The following PCDH15 variants were observed in gnomAD, a reference collection of about 807,000 sequenced individuals.
The protein encoded by PCDH15 is protocadherin related 15.
In PCDH15, 129 loss-of-function variants were observed where a neutral mutation model predicts 178.5. The ratio of observed to expected loss-of-function variants is 0.72; its 90% confidence interval spans 0.63 to 0.84. The LOEUF is 0.84. PCDH15 is among the 40% of genes least tolerant of loss of function. The probability of loss-of-function intolerance (pLI) is 0.00; values close to 1 mark genes in which losing one functional copy is unlikely to be tolerated. For missense variants in PCDH15, 2,230 were observed against 2,099.9 expected (o/e 1.06, Z -1.21); for synonymous variants, 800 against 732.0 (o/e 1.09, Z -1.50).
chr10:54,830,568 A>T (rs1451337010), intron 3 of PCDH15, among the ~76,000 whole-genome samples: 1 of 151,694 alleles, frequency 6.6e-6, no homozygotes, highest in East Asian at 1.9e-4. Flanking sequence ...GGAACATCAC[A>T]ATCTGGGGAC....
chr10:53,884,441 G>T, intron 26 of PCDH15, among the ~76,000 whole-genome samples: 1 of 152,152 alleles, frequency 6.6e-6, no homozygotes, highest in East Asian at 1.9e-4. Context: ...AAATCACACA[G>T]TTGGTGAGCA....
chr10:55,248,814 C>T (rs1356402472), intron 1 of PCDH15, among the ~76,000 whole-genome samples: 5 of 152,148 alleles, frequency 3.3e-5, no homozygotes, highest in Non-Finnish European at 7.3e-5. Context: ...ACCTCAGCCT[C>T]CCAAAGAGCT....
At chr10:55,574,167 A>C (rs540541504) in intron 2 of PCDH15, among the ~76,000 whole-genome samples, 1 of 152,156 alleles carries the variant, frequency 6.6e-6, no homozygotes, top group African/African-American at 2.4e-5. Flanking sequence ...ATGATTCCTT[A>C]GTCATGAGTT....
At chr10:54,509,737 T>C (rs1373313714) in intron 3 of PCDH15, among the ~76,000 whole-genome samples, 2 of 152,150 alleles carry the variant, frequency 1.3e-5, no homozygotes, top group African/African-American at 2.4e-5. Context: ...TCTTTCTTCC[T>C]ACAGTTTGAT....
In PCDH15 at chr10:55,464,059, A is replaced by G. The variant is rs925468382; in HGVS notation, c.-156+163566T>C. On this transcript the variant is annotated intron_variant, in intron 2 of 5. Coordinates refer to the PCDH15 transcript ENST00000613346. ...AAAGAAAGAAAGAAAGAAAGAAAGA[A>G]AGAAAAGGAAAGAAAGGGAAAGAAG... Among the ~76,000 whole-genome samples, 7 of 124,574 alleles carry G rather than the reference A, an allele frequency of 5.6e-5. 1 individual carries two copies. Among genetic ancestry groups the G allele is most frequent in the African/African-American group, 1.7e-4 (6 of 36,164 alleles). 81.7% of individuals were successfully genotyped at this position (124,574 alleles called of 152,430 possible).
chr10:53,869,406 T>C (rs1449010012), intron 26 of PCDH15, among the ~76,000 whole-genome samples: 1 of 152,162 alleles, frequency 6.6e-6, no homozygotes, highest in Non-Finnish European at 1.5e-5. Context: ...AGTCAAGGTA[T>C]CCAAGACATT....
intron 25 of PCDH15, chr10:53,905,183 G>T (rs771624093): frequency 3.9e-6 from 2 of 518,580 alleles, no homozygotes; most frequent in Non-Finnish European, 7.7e-6. Flanking sequence ...TAAGTCTGTT[G>T]TTGTCTCACC....
intron 21 of PCDH15, among the ~76,000 whole-genome samples, chr10:53,975,803 G>A (rs1328432234): frequency 6.6e-6 from 1 of 152,014 alleles, no homozygotes; most frequent in African/African-American, 2.4e-5. Flanking sequence ...TTTTGTTTTT[G>A]TTGTAATTGC....
intron 17 of PCDH15, among the ~76,000 whole-genome samples, chr10:54,071,117 T>C (rs2094234063): frequency 6.6e-6 from 1 of 152,200 alleles, no homozygotes; most frequent in Non-Finnish European, 1.5e-5. Context: ...AGTCACTTTA[T>C]CTCATACATG....
At position 54,274,266 on chromosome 10, in the gene PCDH15, C is replaced by T. The variant is rs536047947; in HGVS notation, c.877-37335G>A. ...CGAGTTTACGTATGTAATGAACCTG[C>T]ACTTGTACCCCTAAACTTAAAAGTT... On this transcript the variant is annotated intron_variant, in intron 8 of 37. Coordinates refer to ENST00000644397, the MANE Select transcript of PCDH15 (RefSeq NM_001384140.1). 4.3e-4 allele frequency among the ~76,000 whole-genome samples: 65 copies of T among 152,122 alleles called. 1 individual carries two copies. The South Asian group carries it at 0.013, about 31-fold the overall frequency.
chr10:55,244,995 T>C (rs1362101959), intron 1 of PCDH15, among the ~76,000 whole-genome samples: 1 of 152,122 alleles, frequency 6.6e-6, no homozygotes, highest in Non-Finnish European at 1.5e-5. Context: ...TTCTGAAGGT[T>C]CTTCTTTTTT....
At chr10:53,845,068 A>G (rs1408500731) in intron 28 of PCDH15, among the ~76,000 whole-genome samples, 1 of 152,078 alleles carries the variant, frequency 6.6e-6, no homozygotes, top group Non-Finnish European at 1.5e-5. Context: ...GGATCTGAAT[A>G]GACAATTCTC....
rs528270844 is a variant in PCDH15, at chr10:53,821,797, T to G, written c.4368-1567A>C. 11 of 1,601,284 alleles carry G rather than the reference T, an allele frequency of 6.9e-6. No homozygotes were observed. In the African/African-American group the frequency reaches 1.3e-4, roughly 20 times the overall value. On this transcript the variant is annotated intron_variant, in intron 32 of 37. Transcript: ENST00000644397. ...AGTCTTCTTTGACGTTCAAATTTGATGTTCAACTTGAAGACTATGATCAAC... is the reference window on the plus strand; with the variant it reads ...AGTCTTCTTTGACGTTCAAATTTGAGGTTCAACTTGAAGACTATGATCAAC...
intron 3 of PCDH15, among the ~76,000 whole-genome samples, chr10:54,407,828 G>T (rs1163133163): frequency 6.6e-6 from 1 of 152,168 alleles, no homozygotes; most frequent in Admixed American, 6.5e-5. Flanking sequence ...GGATAAGGCG[G>T]GTGGATCACT....
intron 1 of PCDH15, among the ~76,000 whole-genome samples, chr10:54,760,526 A>C (rs1947736895): frequency 6.6e-6 from 1 of 152,178 alleles, no homozygotes; most frequent in Admixed American, 6.5e-5. Flanking sequence ...ATCTGAGTGC[A>C]AATGTGGAAG....
intron 15 of PCDH15, among the ~76,000 whole-genome samples, chr10:54,108,392 C>T (rs536321638): frequency 1.3e-5 from 2 of 152,202 alleles, no homozygotes; most frequent in Admixed American, 6.5e-5. Flanking sequence ...CAGCAGAAAG[C>T]AAAACCAGAA....
At chr10:55,351,272 A>T (rs897889542) in intron 2 of PCDH15, among the ~76,000 whole-genome samples, 1 of 151,742 alleles carries the variant, frequency 6.6e-6, no homozygotes, top group South Asian at 2.1e-4. Flanking sequence ...TCATGAATAC[A>T]TCCTTTCAAT....
chr10:54,322,792 C>T (rs558723955), intron 7 of PCDH15, among the ~76,000 whole-genome samples: 1 of 152,144 alleles, frequency 6.6e-6, no homozygotes, highest in South Asian at 2.1e-4. Flanking sequence ...CTCTTCTTGA[C>T]ATTGGCTTTA....
At chr10:54,162,274 G>C (rs1336102490) in intron 13 of PCDH15, among the ~76,000 whole-genome samples, 1 of 151,980 alleles carries the variant, frequency 6.6e-6, no homozygotes, top group South Asian at 2.1e-4. Context: ...ATGTTCCTCT[G>C]CCTTCAGAGA....
Sources: allele counts gnomAD v4.1 joint callset (sites outside exome capture counted in the v4.1 genomes callset), GRCh38; gene constraint gnomAD v4.1.1; transcripts MANE v1.5; gene names NCBI Gene and HGNC (gene_info 2026-07-23, HGNC 2026-07-21).